The following PTPRD variants were observed in gnomAD, a reference collection of about 807,000 sequenced individuals.
PTPRD encodes the protein receptor-type tyrosine-protein phosphatase delta.
A neutral mutation model predicts 214.5 loss-of-function variants in PTPRD; 34 were observed. The ratio of observed to expected loss-of-function variants is 0.16; its 90% CI spans 0.12 to 0.21. The LOEUF (loss-of-function observed/expected upper bound fraction) is 0.21. Among genes scored for constraint, PTPRD ranks in the 10% least tolerant of loss-of-function variants. PTPRD has a pLI of 1.00. For missense variants in PTPRD, 2,545 were observed against 2,398.7 expected (o/e 1.06, Z -1.27); for synonymous variants, 1,128 against 845.7 (o/e 1.33, Z -5.79).
At chr9:8,755,007 ACCACT>A (rs1473302872) in intron 11 of PTPRD, among the ~76,000 whole-genome samples, 1 of 152,122 alleles carries the variant, frequency 6.6e-6, no homozygotes, top group Non-Finnish European at 1.5e-5. Context: ...AAAATGAGAA[ACCACT>A]CCACACTCAC....
rs571250171 is a variant in PTPRD at position 8,914,739 on chromosome 9, A to G, written c.-104+103958T>C. 3.3e-5 allele frequency among the ~76,000 whole-genome samples: 5 copies of G among 152,312 alleles called. No individual in the cohort carries two copies. In the South Asian group the frequency reaches 1.0e-3, roughly 32 times the overall value. On this transcript the variant is annotated intron_variant, in intron 11 of 45. Coordinates refer to ENST00000381196, the MANE Select transcript of PTPRD (RefSeq NM_002839.4). ...CAATTTGAAGTGTACGTGAATATTG[A>G]AACTCAATAGTTTAGAATTTAGACC...
chr9:8,549,600 G>C (rs1030702254), intron 14 of PTPRD, among the ~76,000 whole-genome samples: 13 of 152,128 alleles, frequency 8.5e-5, no homozygotes, highest in South Asian at 4.1e-4. Flanking sequence ...TTTAAACATA[G>C]AGAAAAATAT....
intron 2 of PTPRD, among the ~76,000 whole-genome samples, chr9:10,408,775 C>T (rs73644450): frequency 0.019 from 2,911 of 151,736 alleles, 97 homozygotes; most frequent in African/African-American, 0.067. Flanking sequence ...TTCTAAGACT[C>T]AGTTGACCTT....
chr9:8,428,842 T>C (rs565228633), intron 35 of PTPRD, among the ~76,000 whole-genome samples: 3 of 152,350 alleles, frequency 2.0e-5, no homozygotes, highest in South Asian at 4.1e-4. Flanking sequence ...CTAATAATGA[T>C]GACTGTTTTA....
intron 11 of PTPRD, among the ~76,000 whole-genome samples, chr9:8,852,189 C>T (rs2097831137): frequency 1.3e-5 from 2 of 152,084 alleles, no homozygotes; most frequent in South Asian, 4.2e-4. Context: ...AATACAATTC[C>T]CAAATCTCAA....
chr9:10,338,788 G>GA lies in PTPRD; in HGVS notation c.-545+2174dup, dbSNP rs1050042919. On this transcript the variant is annotated intron_variant, in intron 3 of 45. Transcript: ENST00000381196. Reference sequence around the variant, plus strand: ...GAGATAGCCCATGTTTGGAACAGGAGAAAAAAAATACATATTTTTCTCTAA... The same window carrying GA: ...GAGATAGCCCATGTTTGGAACAGGAGAAAAAAAAATACATATTTTTCTCTAA... Among the ~76,000 whole-genome samples the GA allele has an allele frequency of 2.6e-5, 4 of 151,164 alleles. No individual in the cohort carries two copies. The East Asian group carries it at 7.8e-4, about 29-fold the overall frequency.
chr9:9,069,044 AG>A (rs2099739933), intron 10 of PTPRD, among the ~76,000 whole-genome samples: 1 of 152,218 alleles, frequency 6.6e-6, no homozygotes, highest in African/African-American at 2.4e-5. Context: ...CACCCACTTA[AG>A]AAAAAACAAA....
chr9:8,364,292 T>C (rs2079221375), intron 39 of PTPRD, among the ~76,000 whole-genome samples: 2 of 152,224 alleles, frequency 1.3e-5, no homozygotes, highest in South Asian at 4.1e-4. Flanking sequence ...TATAAGCGTG[T>C]TACACAAAAT....
At chr9:8,415,564 C>T (rs981593647) in intron 35 of PTPRD, among the ~76,000 whole-genome samples, 8 of 111,060 alleles carry the variant, frequency 7.2e-5, no homozygotes, top group African/African-American at 2.2e-4. Flanking sequence ...GAAGTAAAAC[C>T]ATAGACCTAT....
At chr9:9,735,583 C>G (rs961632563) in intron 6 of PTPRD, among the ~76,000 whole-genome samples, 1 of 151,994 alleles carries the variant, frequency 6.6e-6, no homozygotes. Context: ...TAATGCTGGA[C>G]CACTAATTGG....
At chr9:8,352,763 A>C (rs1321670555) in intron 39 of PTPRD, among the ~76,000 whole-genome samples, 1 of 152,212 alleles carries the variant, frequency 6.6e-6, no homozygotes, top group Non-Finnish European at 1.5e-5. Context: ...TCCCACACAG[A>C]CAAGATTTTA....
chr9:10,375,993 T>A (rs531047847), intron 2 of PTPRD, among the ~76,000 whole-genome samples: 1 of 152,118 alleles, frequency 6.6e-6, no homozygotes, highest in East Asian at 1.9e-4. Context: ...CTTTGCCTTT[T>A]GTTATAATGT....
intron 11 of PTPRD, among the ~76,000 whole-genome samples, chr9:8,911,016 C>T (rs896172118): frequency 2.6e-5 from 4 of 152,164 alleles, no homozygotes; most frequent in East Asian, 1.9e-4. Flanking sequence ...AATGGTCATT[C>T]TCGTTCAAAC....
intron 9 of PTPRD, among the ~76,000 whole-genome samples, chr9:9,268,188 G>A (rs866837558): frequency 4.0e-4 from 61 of 150,950 alleles, no homozygotes; most frequent in African/African-American, 1.4e-3. Context: ...AAATCAGCAC[G>A]AAAAAGTCAG....
chr9:9,654,052 T>C (rs2096447634), intron 7 of PTPRD, among the ~76,000 whole-genome samples: 1 of 152,146 alleles, frequency 6.6e-6, no homozygotes, highest in African/African-American at 2.4e-5. Flanking sequence ...AAGACCACTG[T>C]CTTAGATCAA....
intron 5 of PTPRD, among the ~76,000 whole-genome samples, chr9:9,816,377 T>C (rs983361300): frequency 1.3e-5 from 2 of 152,074 alleles, no homozygotes; most frequent in African/African-American, 4.8e-5. Context: ...ATCAACCACA[T>C]TATCGATTTA....
chr9:9,474,159 T>C (rs2094843337), intron 8 of PTPRD, among the ~76,000 whole-genome samples: 1 of 152,118 alleles, frequency 6.6e-6, no homozygotes, highest in African/African-American at 2.4e-5. Context: ...GGGGTTTAAT[T>C]TCATTCTGCT....
chr9:9,472,187 A>ATTTTT, intron 8 of PTPRD, among the ~76,000 whole-genome samples: 1 of 135,410 alleles, frequency 7.4e-6, no homozygotes, highest in African/African-American at 2.9e-5. Context: ...CCCTACTCCA[A>ATTTTT]TCTTTTTTTT....
chr9:8,536,294 C>T lies in PTPRD; in HGVS notation c.353-7515G>A, dbSNP rs2076914473. On this transcript the variant is annotated intron_variant, in intron 14 of 45. Coordinates refer to ENST00000381196, the MANE Select transcript of PTPRD (RefSeq NM_002839.4). Reference sequence around the variant, plus strand: ...CAACAAAAGAGTTTGAATACTTGGTCATCCTTTACTTTTATTTTTTAAATG... The same window carrying T: ...CAACAAAAGAGTTTGAATACTTGGTTATCCTTTACTTTTATTTTTTAAATG... Among the ~76,000 whole-genome samples, 3 of 151,882 alleles carry T rather than the reference C, an allele frequency of 2.0e-5. No homozygotes were observed. In the South Asian group the frequency reaches 6.2e-4, roughly 31 times the overall value.
Sources: allele counts gnomAD v4.1 joint callset (sites outside exome capture counted in the v4.1 genomes callset), GRCh38; gene constraint gnomAD v4.1.1; transcripts MANE v1.5; gene names NCBI Gene and HGNC (gene_info 2026-07-23, HGNC 2026-07-21).